Variants in NFIX observed in about 807,000 individuals in gnomAD.
NFIX encodes nuclear factor I X.
A neutral mutation model predicts 53.3 loss-of-function variants in NFIX; 2 were observed. The ratio of observed to expected loss-of-function variants is 0.04; its 90% CI spans 0.02 to 0.12. The LOEUF (loss-of-function observed/expected upper bound fraction) is 0.12, where lower values mean the gene tolerates loss of function less well. Among genes scored for constraint, NFIX ranks in the 10% least tolerant of loss-of-function variants. NFIX has a pLI of 1.00. For missense variants in NFIX, 310 were observed against 674.5 expected (o/e 0.46, Z 5.99); for synonymous variants, 244 against 289.0 (o/e 0.84, Z 1.58).
At chr19:13,062,941 C>T (rs936203693) in intron 2 of NFIX, among the ~76,000 whole-genome samples, 1 of 152,338 alleles carries the variant, frequency 6.6e-6, no homozygotes, top group African/African-American at 2.4e-5. Context: ...CCCACTTCCC[C>T]TTCCCCACAG....
rs2013222378 is a variant in NFIX, at chr19:13,025,090, C to T, written c.97C>T (p.Leu33=). 1.2e-6 allele frequency: 2 copies of T among 1,614,102 alleles called. No homozygotes were observed. The highest frequency in any genetic ancestry group is 1.3e-5 in the African/African-American group (1 of 74,950). ...VRAFSYTWFN[L]QARKRKYFKK... ...CGCTTTCTCCTACACCTGGTTCAAC[C>T]TGCAGGCGCGGAAGCGCAAGTACTT... The change falls in exon 2 of 11, where the codon CTG becomes TTG. Residue 33 remains leucine, a synonymous_variant. Transcript: ENST00000592199. The surrounding 1 kb of genome is among the most constrained non-coding windows in gnomAD (Gnocchi z 7.5).
chr19:13,073,014 CT>C lies in NFIX; in HGVS notation c.560-32del. On this transcript the variant is annotated intron_variant, in intron 2 of 10. Transcript: ENST00000592199. The surrounding 1 kb of genome is among the most constrained non-coding windows in gnomAD (Gnocchi z 4.5). ...CTGGTGCTTATGGGGAACTTTGCTC[CT>C]GATACATTCTCCCCTTTTGTGTCTC... 1.9e-6 allele frequency: 3 copies of C among 1,609,588 alleles called. No individual in the cohort carries two copies. Among genetic ancestry groups the C allele is most frequent in the Non-Finnish European group, 2.6e-6 (3 of 1,175,954 alleles).
In NFIX at chr19:13,094,539, T is replaced by C; in HGVS notation, c.1495-96T>C. The C allele has an allele frequency of 7.5e-7, 1 of 1,328,200 alleles. No homozygotes were observed. 82.3% of individuals were successfully genotyped at this position (1,328,200 alleles called of 1,614,324 possible). A position where few individuals can be genotyped will look rare whatever the true frequency, so the allele number is the denominator to read the frequency against. ...CCCGGCACCCTGGCTCTTTGGGAGCTGGACCCTTGAGGGGCCAGGTCACTG... is the reference window on the plus strand; with the variant it reads ...CCCGGCACCCTGGCTCTTTGGGAGCCGGACCCTTGAGGGGCCAGGTCACTG... On this transcript the variant is annotated intron_variant, in intron 10 of 10. Transcript: ENST00000592199. The surrounding 1 kb of genome is among the most constrained non-coding windows in gnomAD (Gnocchi z 4.3).
At position 12,995,622 on chromosome 19, in the gene NFIX, G is replaced by GGCGGCGGCA. The variant is rs989466221; in HGVS notation, c.-207_-199dup. 5 of 143,602 alleles carry GGCGGCGGCA rather than the reference G, an allele frequency of 3.5e-5. No homozygotes were observed. Among genetic ancestry groups the GGCGGCGGCA allele is most frequent in the East Asian group, 2.1e-4 (1 of 4,824 alleles). The allele number at this position is 143,602 out of a possible 1,614,324, so 8.9% of individuals were successfully genotyped here. On this transcript the variant is annotated 5_prime_UTR_variant, in exon 1 of 11. Transcript: ENST00000592199. Reference sequence around the variant, plus strand: ...GAGAGGCAGCGGCGAGCGCGGCGGCGGCGGCGGCAGCGGCGGCCCCGGAGC... The same window carrying GGCGGCGGCA: ...GAGAGGCAGCGGCGAGCGCGGCGGCGGCGGCGGCAGCGGCGGCAGCGGCGGCCCCGGAGC...
Position 13,010,112 on chromosome 19 carries a change from C to G in NFIX, c.27+14248C>G, listed in dbSNP as rs79946473. 1.1e-4 allele frequency among the ~76,000 whole-genome samples: 16 copies of G among 152,344 alleles called. 4 individuals carry two copies. Among genetic ancestry groups the G allele is most frequent in the Admixed American group, 7.8e-4 (12 of 15,308 alleles). On this transcript the variant is annotated intron_variant, in intron 1 of 10. Coordinates refer to ENST00000592199, the MANE Select transcript of NFIX (RefSeq NM_001365902.3). ...TGCTTTCCCCTTCTTTGTTCCTCCC[C>G]CGCCTGCTCCTGGGGCTTCCCCCAT...
Position 13,006,893 on chromosome 19 carries a change from G to A in NFIX, c.27+11029G>A, listed in dbSNP as rs1193106767. Among the ~76,000 whole-genome samples the A allele has an allele frequency of 6.6e-6, 1 of 152,182 alleles. No individual in the cohort carries two copies. The highest frequency in any genetic ancestry group is 1.5e-5 in the Non-Finnish European group (1 of 68,020). On this transcript the variant is annotated intron_variant, in intron 1 of 10. Transcript: ENST00000592199. This position sits in a 1 kb window ranked among gnomAD's most constrained non-coding sequence, Gnocchi z 5.6. Reference sequence around the variant, plus strand: ...TGCCTGCCACCCCCACCCCATGCCCGGGCAGAGCCGAGCGGCTGCTGCTGC... The same window carrying A: ...TGCCTGCCACCCCCACCCCATGCCCAGGCAGAGCCGAGCGGCTGCTGCTGC...
Position 13,045,876 on chromosome 19 carries a change from T to C in NFIX, c.559+20324T>C, listed in dbSNP as rs2014952255. Among the ~76,000 whole-genome samples the C allele has an allele frequency of 6.6e-6, 1 of 152,178 alleles. No individual in the cohort carries two copies. The highest frequency in any genetic ancestry group is 6.5e-5 in the Admixed American group (1 of 15,284). On this transcript the variant is annotated intron_variant, in intron 2 of 10. Coordinates refer to ENST00000592199, the MANE Select transcript of NFIX (RefSeq NM_001365902.3). This position sits in a 1 kb window ranked among gnomAD's most constrained non-coding sequence, Gnocchi z 4.4. ...CACCTGGGAGTGAGGGGCTTGGACA[T>C]TCTTCCTCAGCTTGAGCCCCATGGA...
intron 6 of NFIX, among the ~76,000 whole-genome samples, chr19:13,077,725 G>A (rs1160425827): frequency 1.3e-5 from 2 of 152,202 alleles, no homozygotes; most frequent in East Asian, 3.8e-4. Context: ...CCCAGCCTGG[G>A]CACAACCTTA....
chr19:13,051,032 C>T lies in NFIX; in HGVS notation c.560-22015C>T, dbSNP rs1338527194. Among the ~76,000 whole-genome samples the T allele has an allele frequency of 6.6e-6, 1 of 152,200 alleles. No individual in the cohort carries two copies. Among genetic ancestry groups the T allele is most frequent in the African/African-American group, 2.4e-5 (1 of 41,440 alleles). On this transcript the variant is annotated intron_variant, in intron 2 of 10. Coordinates refer to ENST00000592199, the MANE Select transcript of NFIX (RefSeq NM_001365902.3). The surrounding 1 kb of genome is among the most constrained non-coding windows in gnomAD (Gnocchi z 5.1). Reference sequence around the variant, plus strand: ...CCGGGAGAAAAGCATAGTTGCTACCCTGGTGTTGTTGGTAATGACTTGGCA... The same window carrying T: ...CCGGGAGAAAAGCATAGTTGCTACCTTGGTGTTGTTGGTAATGACTTGGCA...
At chr19:13,092,777 G>C (rs2018220262) in intron 10 of NFIX, among the ~76,000 whole-genome samples, 1 of 152,260 alleles carries the variant, frequency 6.6e-6, no homozygotes, top group Non-Finnish European at 1.5e-5. Context: ...GCCTGGGCCA[G>C]AAGCCCAGGA....
In NFIX at chr19:13,051,192, G is replaced by A. The variant is rs529450817; in HGVS notation, c.560-21855G>A. On this transcript the variant is annotated intron_variant, in intron 2 of 10. Transcript: ENST00000592199. The surrounding 1 kb of genome is among the most constrained non-coding windows in gnomAD (Gnocchi z 5.1). ...CTAAGGCTGTCCCACCAGGTGTTTG[G>A]GATGCTGTCTGGCCCCTATACCAGC... Among the ~76,000 whole-genome samples, 90 of 152,296 alleles carry A rather than the reference G, an allele frequency of 5.9e-4. 2 individuals carry two copies. In the South Asian group the frequency reaches 0.011, roughly 19 times the overall value.
chr19:13,064,966 T>C (rs1042721229), intron 2 of NFIX, among the ~76,000 whole-genome samples: 6 of 152,214 alleles, frequency 3.9e-5, no homozygotes, highest in African/African-American at 1.4e-4. Context: ...GTAGGTGTTA[T>C]CTCCCTTTTA....
At chr19:13,044,778 A>C (rs1350687990) in intron 2 of NFIX, among the ~76,000 whole-genome samples, 1 of 152,168 alleles carries the variant, frequency 6.6e-6, no homozygotes, top group Non-Finnish European at 1.5e-5. Flanking sequence ...AATTGTCGTA[A>C]TTACAGGGCG....
At chr19:13,048,786 T>C (rs1226370964) in intron 2 of NFIX, among the ~76,000 whole-genome samples, 4 of 152,216 alleles carry the variant, frequency 2.6e-5, no homozygotes, top group Non-Finnish European at 5.9e-5. Flanking sequence ...TTTTAAAGTG[T>C]ACAGGGCCAG....
Position 13,014,113 on chromosome 19 carries a change from C to T in NFIX, c.28-10908C>T, listed in dbSNP as rs2012525166. 6.6e-6 allele frequency: 1 copy of T among 152,214 alleles called. No homozygotes were observed. The highest frequency in any genetic ancestry group is 1.5e-5 in the Non-Finnish European group (1 of 68,042). 9.4% of individuals were successfully genotyped at this position (152,214 alleles called of 1,614,324 possible). ...GTGAGAAATAACTCGTCTCTCCTCT[C>T]TCCTCTCCATTCAGCATTGTCTTAT... On this transcript the variant is annotated intron_variant, in intron 1 of 10. Transcript: ENST00000592199. The surrounding 1 kb of genome is among the most constrained non-coding windows in gnomAD (Gnocchi z 4.4).
rs886335252 is a variant in NFIX at position 13,005,962 on chromosome 19, G to A, written c.27+10098G>A. 3.9e-5 allele frequency among the ~76,000 whole-genome samples: 6 copies of A among 152,322 alleles called. No homozygotes were observed. The highest frequency in any genetic ancestry group is 8.8e-5 in the Non-Finnish European group (6 of 68,030). On this transcript the variant is annotated intron_variant, in intron 1 of 10. Coordinates refer to ENST00000592199, the MANE Select transcript of NFIX (RefSeq NM_001365902.3). This position sits in a 1 kb window ranked among gnomAD's most constrained non-coding sequence, Gnocchi z 4.7. ...ACCCAGCCGGAGCTCAAATGCTGGG[G>A]GTGCAGCCGGGAGCCTGTGCATTCC...
intron 2 of NFIX, among the ~76,000 whole-genome samples, chr19:13,030,436 T>C (rs2013712305): frequency 6.6e-6 from 1 of 152,220 alleles, no homozygotes; most frequent in African/African-American, 2.4e-5. Context: ...AGGCTGACTC[T>C]CTGTCACCTT....
intron 8 of NFIX, chr19:13,082,155 G>A: frequency 2.6e-6 from 1 of 386,196 alleles, no homozygotes; most frequent in African/African-American, 2.0e-5. Flanking sequence ...AACTCATGAT[G>A]ATCCAACCCG....
rs1555703612 is a variant in NFIX at position 13,067,481 on chromosome 19, T to TGC, written c.560-5564_560-5563dup. ...GTGCGCGCGTGTGTGTGTGTGTGTG[T>TGC]GCGTGTGTGTGTGTGTGTGTGTGTA... On this transcript the variant is annotated intron_variant, in intron 2 of 10. Transcript: ENST00000592199. This position sits in a 1 kb window ranked among gnomAD's most constrained non-coding sequence, Gnocchi z 4.2. Among the ~76,000 whole-genome samples, 14 of 91,906 alleles carry TGC rather than the reference T, an allele frequency of 1.5e-4. No individual in the cohort carries two copies. The highest frequency in any genetic ancestry group is 9.0e-4 in the African/African-American group (14 of 15,526). 60.3% of individuals were successfully genotyped at this position (91,906 alleles called of 152,430 possible). A position where few individuals can be genotyped will look rare whatever the true frequency, so the allele number is the denominator to read the frequency against.
Sources: gnomAD v4.1 joint callset for allele counts (sites outside exome capture counted in the v4.1 genomes callset) on GRCh38, gnomAD v4.1.1 for gene constraint, Gnocchi (gnomAD v3.1) non-coding constraint, MANE v1.5 for transcripts, NCBI Gene and HGNC (gene_info 2026-07-23, HGNC 2026-07-21) for gene names.